GRAMD1B: variants seen among roughly 807,000 people sequenced by gnomAD.
GRAMD1B encodes the protein protein Aster-B.
Under a neutral mutation model 99.7 loss-of-function variants are expected in GRAMD1B, and 37 were observed. That is an observed-to-expected ratio of 0.37 (90% CI 0.29 to 0.49). The LOEUF is 0.49. GRAMD1B is among the 20% of genes least tolerant of loss of function. The pLI is 0.98. For synonymous variants in GRAMD1B, 427 were observed against 387.6 expected, an observed-to-expected ratio of 1.10 and a Z score of -1.19; for missense variants, 888 against 1,009.2, an observed-to-expected ratio of 0.88 and a Z score of 1.63.
intron 1 of GRAMD1B, among the ~76,000 whole-genome samples, chr11:123,373,075 G>C (rs1330834100): frequency 6.6e-6 from 1 of 152,172 alleles, no homozygotes; most frequent in Non-Finnish European, 1.5e-5. Flanking sequence ...GGAGGCAGAG[G>C]TTGTGGTGAG....
chr11:123,552,301 T>A (rs12791372), intron 2 of GRAMD1B, among the ~76,000 whole-genome samples: 13 of 149,184 alleles, frequency 8.7e-5, no homozygotes, highest in African/African-American at 2.2e-4. Flanking sequence ...TTGATTTTTT[T>A]AATTTTTTGA....
chr11:123,513,578 T>TTCCCTTCCTTCCTTCCTTCCTTCC (rs1555050112), intron 2 of GRAMD1B, among the ~76,000 whole-genome samples: 2 of 41,672 alleles, frequency 4.8e-5, no homozygotes, highest in Non-Finnish European at 9.2e-5. Context: ...CCTTCCTTCC[T>TTCCCTTCCTTCCTTCCTTCCTTCC]TTCCTTCCTT....
intron 1 of GRAMD1B, among the ~76,000 whole-genome samples, chr11:123,404,106 C>A (rs951269544): frequency 3.9e-5 from 6 of 152,118 alleles, no homozygotes; most frequent in South Asian, 2.1e-4. Context: ...TTATTCCTTG[C>A]AAATTGGTTG....
chr11:123,600,717 G>C (rs1951841216), intron 8 of GRAMD1B, among the ~76,000 whole-genome samples, 169 bp downstream of exon 8: 1 of 152,138 alleles, frequency 6.6e-6, no homozygotes, highest in Non-Finnish European at 1.5e-5. Context: ...AACACCCCCA[G>C]GAGTAAGGCA....
At chr11:123,601,564 A>G (rs1052707927) in intron 8 of GRAMD1B, among the ~76,000 whole-genome samples, 10 of 151,224 alleles carry the variant, frequency 6.6e-5, no homozygotes, top group Non-Finnish European at 1.3e-4. Context: ...ACATGGGTGT[A>G]TTTAAATATA....
At chr11:123,455,404 G>A (rs1202633024) in intron 1 of GRAMD1B, among the ~76,000 whole-genome samples, 1 of 152,264 alleles carries the variant, frequency 6.6e-6, no homozygotes, top group East Asian at 1.9e-4. Flanking sequence ...TAGGATTACA[G>A]GCATGAGCCA....
intron 1 of GRAMD1B, among the ~76,000 whole-genome samples, chr11:123,359,975 C>T (rs552253664): frequency 9.8e-4 from 149 of 151,980 alleles, no homozygotes; most frequent in Non-Finnish European, 1.9e-3. Flanking sequence ...TGGGGAGGGG[C>T]GGATCTCAGC....
chr11:123,560,711 TGTGTGTGTGTG>T, intron 2 of GRAMD1B: 1 of 454,008 alleles, frequency 2.2e-6, no homozygotes. Flanking sequence ...TGTGTGTGTG[TGTGTGTGTGTG>T]TGTGTGTGTG....
intron 4 of GRAMD1B, among the ~76,000 whole-genome samples, chr11:123,584,740 T>C (rs1002024740): frequency 6.6e-6 from 1 of 152,108 alleles, no homozygotes; most frequent in South Asian, 2.1e-4. Flanking sequence ...CTTTCCCCCA[T>C]TGATAGAAGA....
At chr11:123,461,213 C>G (rs975063551) in intron 1 of GRAMD1B, among the ~76,000 whole-genome samples, 2 of 152,192 alleles carry the variant, frequency 1.3e-5, no homozygotes, top group Non-Finnish European at 2.9e-5. Context: ...TCAGTTCAGT[C>G]GTCTTTCTGG....
At chr11:123,565,801 C>T (rs1342482587) in intron 2 of GRAMD1B, among the ~76,000 whole-genome samples, 1 of 152,222 alleles carries the variant, frequency 6.6e-6, no homozygotes, top group African/African-American at 2.4e-5. Context: ...AACACCCAGC[C>T]TGTGAACCCA....
chr11:123,428,518 G>T (rs914425355), upstream of GRAMD1B, among the ~76,000 whole-genome samples: 2 of 152,180 alleles, frequency 1.3e-5, no homozygotes, highest in Admixed American at 1.3e-4. Flanking sequence ...CTCTTCAGCC[G>T]CAGTATCTCT....
intron 2 of GRAMD1B, chr11:123,526,271 A>C: frequency 2.4e-5 from 24 of 1,017,326 alleles, no homozygotes; most frequent in Non-Finnish European, 3.4e-5. Context: ...ATGCCATCTC[A>C]CCAGGCATCG....
At chr11:123,437,672 G>A (rs1225396962) in intron 1 of GRAMD1B, among the ~76,000 whole-genome samples, 1 of 152,204 alleles carries the variant, frequency 6.6e-6, no homozygotes, top group Non-Finnish European at 1.5e-5. Context: ...CTGACCACTG[G>A]TAGTGCCGCT....
intron 1 of GRAMD1B, among the ~76,000 whole-genome samples, chr11:123,397,895 T>C (rs1947523218): frequency 6.6e-6 from 1 of 152,226 alleles, no homozygotes; most frequent in African/African-American, 2.4e-5. Context: ...GAGATTCATC[T>C]ACATAGCTGC....
At chr11:123,527,677 T>A (rs73614041) in intron 2 of GRAMD1B, among the ~76,000 whole-genome samples, 1 of 152,184 alleles carries the variant, frequency 6.6e-6, no homozygotes, top group African/African-American at 2.4e-5. Flanking sequence ...ATGCTCAGTC[T>A]GTAGCTGGGA....
At chr11:123,550,736 T>G (rs1484805071) in intron 2 of GRAMD1B, among the ~76,000 whole-genome samples, 1 of 152,200 alleles carries the variant, frequency 6.6e-6, no homozygotes, top group Non-Finnish European at 1.5e-5. Flanking sequence ...CAGTTACCTC[T>G]GCAAAGAGGT....
intron 4 of GRAMD1B, among the ~76,000 whole-genome samples, chr11:123,593,183 G>A (rs1950869937): frequency 6.6e-6 from 1 of 151,548 alleles, no homozygotes; most frequent in African/African-American, 2.4e-5. Flanking sequence ...AGTGAGCCGA[G>A]ATCACACCAC....
chr11:123,488,764 A>G (rs567837678), intron 2 of GRAMD1B, among the ~76,000 whole-genome samples: 47 of 152,180 alleles, frequency 3.1e-4, no homozygotes, highest in Non-Finnish European at 4.9e-4. Flanking sequence ...CCTACCCTAG[A>G]AGTGTATCTC....
Sources: allele counts gnomAD v4.1 joint callset (sites outside exome capture counted in the v4.1 genomes callset), GRCh38; gene constraint gnomAD v4.1.1; transcripts MANE v1.5; gene names NCBI Gene and HGNC (gene_info 2026-07-23, HGNC 2026-07-21).